DGKB: variants seen among roughly 807,000 people sequenced by gnomAD.
DGKB encodes the protein 90 kDa diacylglycerol kinase.
DGKB carries 67 observed loss-of-function variants against 114.3 expected under a neutral mutation model. The observed-to-expected ratio is 0.59, with a 90% CI of 0.48 to 0.72. The LOEUF is 0.72. Ranked by LOEUF, DGKB falls within the 30% of genes least tolerant of loss-of-function variation. The probability of loss-of-function intolerance (pLI) is 0.00; values close to 1 mark genes in which losing one functional copy is unlikely to be tolerated. For missense variants in DGKB, 907 were observed against 975.2 expected, an observed-to-expected ratio of 0.93 and a Z score of 0.93; for synonymous variants, 398 against 323.1, an observed-to-expected ratio of 1.23 and a Z score of -2.49.
At chr7:14,465,282 T>C (rs1249440701) in intron 21 of DGKB, among the ~76,000 whole-genome samples, 1 of 149,324 alleles carries the variant, frequency 6.7e-6, no homozygotes, top group Non-Finnish European at 1.5e-5. Flanking sequence ...ACTTTCACAT[T>C]ATAGAACTAT....
At chr7:14,528,622 G>A (rs12699635) in intron 20 of DGKB, among the ~76,000 whole-genome samples, 61,479 of 151,686 alleles carry the variant, frequency 0.41, 13,389 homozygotes, top group East Asian at 0.71. Context: ...AGTAATTGAA[G>A]AGTAGTTATA....
intron 5 of DGKB, among the ~76,000 whole-genome samples, chr7:14,731,650 A>G (rs557569296): frequency 3.9e-5 from 6 of 152,270 alleles, no homozygotes; most frequent in East Asian, 1.9e-4. Context: ...GGAGATGACA[A>G]TTTTGATTGA....
At chr7:14,747,729 T>C (rs990264262) in intron 4 of DGKB, among the ~76,000 whole-genome samples, 1 of 148,416 alleles carries the variant, frequency 6.7e-6, no homozygotes, top group African/African-American at 2.5e-5. Context: ...CTTAACTGAA[T>C]GACTATTCAA....
chr7:14,790,840 A>G (rs975394685), intron 2 of DGKB, among the ~76,000 whole-genome samples: 4 of 152,066 alleles, frequency 2.6e-5, no homozygotes, highest in Non-Finnish European at 5.9e-5. Context: ...ATATCTGCCA[A>G]AAAAAATTCC....
At chr7:14,473,519 A>G (rs758470852) in intron 21 of DGKB, among the ~76,000 whole-genome samples, 1 of 152,154 alleles carries the variant, frequency 6.6e-6, no homozygotes, top group Admixed American at 6.5e-5. Context: ...AACCCCCACA[A>G]TGCATCCCTA....
In DGKB at chr7:14,391,546, C is replaced by T. The variant is rs1032029728; in HGVS notation, c.1836-46155G>A. ...TAAAAAAAAAAAAAGGAAAAATTAG[C>T]CCGGTGTGGTGGCAGATGCCTATAG... On this transcript the variant is annotated intron_variant, in intron 21 of 25. Transcript: ENST00000402815. Among the ~76,000 whole-genome samples, 15 of 151,794 alleles carry T rather than the reference C, an allele frequency of 9.9e-5. No homozygotes were observed. In the East Asian group the frequency reaches 2.5e-3, roughly 26 times the overall value.
At chr7:14,615,221 C>A (rs1466760416) in intron 15 of DGKB, among the ~76,000 whole-genome samples, 2 of 151,886 alleles carry the variant, frequency 1.3e-5, no homozygotes, top group African/African-American at 4.8e-5. Context: ...TAAGCATGAG[C>A]AAAGTATTAA....
intron 8 of DGKB, among the ~76,000 whole-genome samples, chr7:14,696,444 G>A (rs1205083159): frequency 2.2e-5 from 3 of 136,210 alleles, no homozygotes; most frequent in Middle Eastern, 4.1e-3. Flanking sequence ...GCAGTGAGCC[G>A]AGATTGCGCC....
intron 21 of DGKB, among the ~76,000 whole-genome samples, chr7:14,477,955 T>G (rs1313576450): frequency 1.3e-5 from 2 of 152,038 alleles, no homozygotes; most frequent in East Asian, 1.9e-4. Context: ...GATGACCCAT[T>G]GCATTCCTCA....
chr7:14,617,347 A>G (rs1458471255), intron 15 of DGKB, among the ~76,000 whole-genome samples: 1 of 151,652 alleles, frequency 6.6e-6, no homozygotes, highest in Non-Finnish European at 1.5e-5. Context: ...ATCTTGGAGA[A>G]GTTCCTGATT....
intron 20 of DGKB, among the ~76,000 whole-genome samples, chr7:14,517,055 A>G (rs1179468415): frequency 6.6e-6 from 1 of 152,164 alleles, no homozygotes; most frequent in Non-Finnish European, 1.5e-5. Context: ...ACTTTAAACT[A>G]TTCTACAAAG....
intron 1 of DGKB, among the ~76,000 whole-genome samples, chr7:14,914,633 A>G (rs1784148199): frequency 6.6e-6 from 1 of 152,204 alleles, no homozygotes; most frequent in Admixed American, 6.5e-5. Flanking sequence ...GCAAGAAAAA[A>G]ACAAAGTCTG....
In DGKB at chr7:14,148,997, A is replaced by T; in HGVS notation, c.*134T>A. On this transcript the variant is annotated 3_prime_UTR_variant, in exon 26 of 26. Transcript: ENST00000402815. ...TAATAGCTGAATTTTACATTAGCTT[A>T]GTAACAAAAACTGTTAAACCACTTC... is the stretch of plus-strand genomic sequence containing the variant. 1.4e-6 allele frequency: 1 copy of T among 735,598 alleles called. No individual in the cohort carries two copies. The highest frequency in any genetic ancestry group is 2.3e-6 in the Non-Finnish European group (1 of 435,466). The allele number at this position is 735,598 out of a possible 1,614,324, so 45.6% of individuals were successfully genotyped here. A position where few individuals can be genotyped will look rare whatever the true frequency, so the allele number is the denominator to read the frequency against.
chr7:14,704,401 T>C (rs1378710632), intron 6 of DGKB, among the ~76,000 whole-genome samples: 1 of 128,670 alleles, frequency 7.8e-6, no homozygotes, highest in Non-Finnish European at 1.6e-5. Context: ...TGAGCCGAGA[T>C]CACGCCACTG....
In DGKB at chr7:14,384,622, T is replaced by C. The variant is rs559671729; in HGVS notation, c.1836-39231A>G. Among the ~76,000 whole-genome samples, 10 of 152,362 alleles carry C rather than the reference T, an allele frequency of 6.6e-5. 1 individual carries two copies. The South Asian group carries it at 2.1e-3, about 32-fold the overall frequency. The stretch of plus-strand genomic sequence containing the variant: ...GTTGCTTAATAGTTACTTAATTATA[T>C]AGCAGATTAATCAGTTTTTAACTTG... On this transcript the variant is annotated intron_variant, in intron 21 of 25. Transcript: ENST00000402815.
rs1025310317 is a variant in DGKB, at chr7:14,622,823, A to G, written c.1168-1329T>C. 4.8e-4 allele frequency among the ~76,000 whole-genome samples: 73 copies of G among 152,082 alleles called. 1 individual carries two copies. Among genetic ancestry groups the G allele is most frequent in the Non-Finnish European group, 7.1e-4 (48 of 68,026 alleles). On this transcript the variant is annotated intron_variant, in intron 14 of 25. Transcript: ENST00000402815. ...CTTGATCATAACAATCATGCTTTAA[A>G]TTCAGAGCTCTTGCAATCATTCTGC...
rs1554304213 is a variant in DGKB at position 14,852,487 on chromosome 7, C to CAAAAAAACAAAAAACAAAAAA, written c.-187-11038_-187-11037insTTTTTTGTTTTTTGTTTTTTT. On this transcript the variant is annotated intron_variant, in intron 1 of 25. Coordinates refer to ENST00000402815, the MANE Select transcript of DGKB (RefSeq NM_001350709.2). ...GAGGAATAGCTAAAATAGTGAAAGT[C>CAAAAAAACAAAAAACAAAAAA]AAAAAAAAAACAGAAATCAAGCATA... Among the ~76,000 whole-genome samples, 35 of 63,620 alleles carry CAAAAAAACAAAAAACAAAAAA rather than the reference C, an allele frequency of 5.5e-4. 3 individuals are homozygous for CAAAAAAACAAAAAACAAAAAA. In the East Asian group the frequency reaches 0.011, roughly 20 times the overall value. 41.7% of individuals were successfully genotyped at this position (63,620 alleles called of 152,430 possible).
intron 23 of DGKB, among the ~76,000 whole-genome samples, chr7:14,249,991 AT>A (rs1418941416): frequency 6.6e-6 from 1 of 151,534 alleles, no homozygotes; most frequent in African/African-American, 2.4e-5. Flanking sequence ...GTCTTGTTAC[AT>A]TACCCAGGCT....
intron 17 of DGKB, among the ~76,000 whole-genome samples, chr7:14,586,176 A>G (rs569796051): frequency 2.6e-5 from 4 of 152,266 alleles, no homozygotes; most frequent in Non-Finnish European, 5.9e-5. Flanking sequence ...TGTAAAAGCG[A>G]AGGCAAAGTT....
Sources: gnomAD v4.1 joint callset for allele counts (sites outside exome capture counted in the v4.1 genomes callset) on GRCh38, gnomAD v4.1.1 for gene constraint, MANE v1.5 for transcripts, NCBI Gene and HGNC (gene_info 2026-07-23, HGNC 2026-07-21) for gene names.